MLC1: variants seen among roughly 807,000 people sequenced by gnomAD.
MLC1 encodes membrane protein MLC1.
A neutral mutation model predicts 44.7 loss-of-function variants in MLC1; 32 were observed. That is an observed-to-expected ratio of 0.72 (90% CI 0.54 to 0.96). The LOEUF is 0.96. MLC1 is among the 40% of genes least tolerant of loss of function. MLC1 has a pLI of 0.00. For synonymous variants in MLC1, 190 were observed against 213.0 expected (o/e 0.89, Z 0.94); for missense variants, 459 against 492.2 (o/e 0.93, Z 0.64).
At chr22:50,074,698 C>CA (rs1602024911) in intron 7 of MLC1, 1 of 325,780 alleles carries the variant, frequency 3.1e-6, no homozygotes, top group East Asian at 7.5e-5. Flanking sequence ...CCCTGGACCC[C>CA]ATCGAAGGGA....
chr22:50,064,994 G>A (rs544025913), intron 10 of MLC1, among the ~76,000 whole-genome samples: 7 of 152,202 alleles, frequency 4.6e-5, no homozygotes, highest in Admixed American at 1.3e-4. Context: ...GCGCGATCTC[G>A]GCTCGCTGCA....
At position 50,083,048 on chromosome 22, in the gene MLC1, T is replaced by G; in HGVS notation, c.267+36A>C. The G allele has an allele frequency of 6.3e-7, 1 of 1,596,440 alleles. No individual in the cohort carries two copies. The highest frequency in any genetic ancestry group is 8.6e-7 in the Non-Finnish European group (1 of 1,164,238). The stretch of plus-strand genomic sequence containing the variant: ...GAAACCAGAGCACGTGCCGGCGAGC[T>G]TGGGCACTGGCAGAGGCGTGGAGGA... On this transcript the variant is annotated intron_variant, in intron 3 of 11. Transcript: ENST00000311597. The surrounding 1 kb of genome is among the most constrained non-coding windows in gnomAD (Gnocchi z 4.6).
In MLC1 at chr22:50,077,517, A is replaced by G. The variant is rs2062014768; in HGVS notation, c.424-15T>C. On this transcript the variant is annotated splice_polypyrimidine_tract_variant and intron_variant, in intron 5 of 11. Transcript: ENST00000311597. ...TTGAAGTTGATCTGCCAAGGGGCAC[A>G]CACGCTTCAGCACCGGGCCCGCCTT... 5 of 1,607,574 alleles carry G rather than the reference A, an allele frequency of 3.1e-6. No homozygotes were observed. The highest frequency in any genetic ancestry group is 3.4e-6 in the Non-Finnish European group (4 of 1,175,264).
Position 50,080,385 on chromosome 22 carries a change from C to A in MLC1, c.280G>T (p.Ala94Ser). Residue 94 changes from alanine to serine, a missense_variant, in exon 4 of 12, where the codon GCA becomes TCA. By Grantham distance (99) the Ala-to-Ser change is moderately conservative. Transcript: ENST00000311597. ...RCAAGSCIPS[A>S]IVSFTVSRRN... ...CTGGAGACGGTGAAGCTCACAATTG[C>A]CGAGGGGATGCACTGGAATGAAACC... The A allele has an allele frequency of 6.2e-7, 1 of 1,605,730 alleles. No homozygotes were observed. The highest frequency in any genetic ancestry group is 8.5e-7 in the Non-Finnish European group (1 of 1,176,138).
In MLC1 at chr22:50,080,486, T is replaced by C. The variant is rs887630088; in HGVS notation, c.268-89A>G. 4.5e-5 allele frequency: 62 copies of C among 1,368,862 alleles called. No individual in the cohort carries two copies. In the African/African-American group the frequency reaches 7.9e-4, roughly 17 times the overall value. The allele number at this position is 1,368,862 out of a possible 1,614,324, so 84.8% of individuals were successfully genotyped here. On this transcript the variant is annotated intron_variant, in intron 3 of 11. Transcript: ENST00000311597. ...TCTAACATTTGCGCTTCCAGAAGGATCTGAATCATATTCACAAAACAGTGT... is the reference window on the plus strand; with the variant it reads ...TCTAACATTTGCGCTTCCAGAAGGACCTGAATCATATTCACAAAACAGTGT...
chr22:50,077,980 G>A (rs1422215028), intron 5 of MLC1, among the ~76,000 whole-genome samples: 2 of 148,176 alleles, frequency 1.3e-5, no homozygotes, highest in South Asian at 2.2e-4. Context: ...AGTCAGTGTA[G>A]CTGTCTGACA....
At position 50,068,733 on chromosome 22, in the gene MLC1, T is replaced by TC. The variant is rs1370384026; in HGVS notation, c.772-179_772-178insG. On this transcript the variant is annotated intron_variant, in intron 9 of 11. Coordinates refer to ENST00000311597, the MANE Select transcript of MLC1 (RefSeq NM_015166.4). Reference sequence around the variant, plus strand: ...TTTTCTTTTTTCTTTTTCTTTTTTTTTTTTTTTTTTTTTGAGACAAGTCTC... The same window carrying TC: ...TTTTCTTTTTTCTTTTTCTTTTTTTTCTTTTTTTTTTTTTGAGACAAGTCTC... Among the ~76,000 whole-genome samples, 611 of 143,292 alleles carry TC rather than the reference T, an allele frequency of 4.3e-3. 7 individuals are homozygous for TC. The highest frequency in any genetic ancestry group is 0.014 in the African/African-American group (561 of 39,040). The allele number at this position is 143,292 out of a possible 152,430, so 94.0% of individuals were successfully genotyped here.
intron 9 of MLC1, among the ~76,000 whole-genome samples, chr22:50,070,020 G>T (rs1021984957): frequency 5.9e-5 from 9 of 152,018 alleles, no homozygotes; most frequent in African/African-American, 2.2e-4. Context: ...TGGCCAACAT[G>T]GTGAAACCCC....
chr22:50,069,144 G>A (rs535596916), intron 9 of MLC1, among the ~76,000 whole-genome samples: 49 of 151,192 alleles, frequency 3.2e-4, no homozygotes, highest in African/African-American at 1.1e-3. Flanking sequence ...CTCCCGCCTC[G>A]GCCTCTTGAG....
intron 9 of MLC1, 127 bp downstream of exon 9, chr22:50,070,400 G>A (rs2061822557): frequency 1.1e-6 from 1 of 926,962 alleles, no homozygotes; most frequent in South Asian, 1.4e-5. Flanking sequence ...CATTGTGCAG[G>A]CCCTGCAGCC....
chr22:50,077,023 C>A, intron 6 of MLC1, 111 bp from the exon 7 acceptor site: 1 of 1,139,980 alleles, frequency 8.8e-7, no homozygotes, highest in Non-Finnish European at 1.3e-6. Context: ...CGTGTAGATG[C>A]GAGACCGCCT....
At chr22:50,066,194 C>A (rs1376631690) in intron 10 of MLC1, among the ~76,000 whole-genome samples, 1 of 149,926 alleles carries the variant, frequency 6.7e-6, no homozygotes, top group East Asian at 2.0e-4. Context: ...TAAGTAAATA[C>A]ATAATTAAAA....
At chr22:50,069,081 C>T (rs1416919226) in intron 9 of MLC1, among the ~76,000 whole-genome samples, 1 of 151,754 alleles carries the variant, frequency 6.6e-6, no homozygotes, top group South Asian at 2.1e-4. Context: ...GGCAGGAGTG[C>T]GGTGGCACAA....
chr22:50,069,073 C>T (rs1271956783), intron 9 of MLC1, among the ~76,000 whole-genome samples: 1 of 151,668 alleles, frequency 6.6e-6, no homozygotes, highest in Non-Finnish European at 1.5e-5. Flanking sequence ...GTAGCCCAGG[C>T]AGGAGTGCGG....
chr22:50,074,234 G>A lies in MLC1; in HGVS notation c.696C>T (p.Phe232=), dbSNP rs747751986. ...SVSGPHLSVT[F]FWILVACFPS... is the part of the protein sequence containing the mutation. ...TACTCACGGCCACTAGGATCCAAAA[G>A]AACGTCACTGAGAGGTGTGGGCCTG... is the stretch of plus-strand genomic sequence containing the variant. The change falls in exon 8 of 12, where the codon TTC becomes TTT. Residue 232 remains phenylalanine (F), a synonymous_variant. Coordinates refer to ENST00000311597, the MANE Select transcript of MLC1 (RefSeq NM_015166.4). 1.7e-5 allele frequency: 27 copies of A among 1,613,490 alleles called. No individual in the cohort carries two copies. The South Asian group carries it at 2.7e-4, about 16-fold the overall frequency.
chr22:50,068,515 A>T lies in MLC1; in HGVS notation c.812T>A (p.Leu271Gln). 6.2e-7 allele frequency: 1 copy of T among 1,613,346 alleles called. No homozygotes were observed. The highest frequency in any genetic ancestry group is 2.2e-5 in the East Asian group (1 of 44,836). Residue 271 changes from leucine (L) to glutamine (Q), a missense_variant, in exon 10 of 12, where the codon CTG becomes CAG. Coordinates refer to ENST00000311597, the MANE Select transcript of MLC1 (RefSeq NM_015166.4). The part of the protein sequence containing the change: ...LIAISSLTSP[L>Q]LFTASGYLSF... ...CAGATATCCAGAGGCTGTGAACAGC[A>T]GCGGAGACGTGAGGCTGCTTATGGC...
At chr22:50,068,656 T>C (rs2061773600) in intron 9 of MLC1, 101 bp from the exon 10 acceptor site, 1 of 1,301,222 alleles carries the variant, frequency 7.7e-7, no homozygotes, top group South Asian at 1.2e-5. Context: ...CGGGCACTCA[T>C]GGGCATAGTC....
At position 50,083,249 on chromosome 22, in the gene MLC1, T is replaced by G. The variant is rs1602064366; in HGVS notation, c.178-76A>C. 7.5e-7 allele frequency: 1 copy of G among 1,339,926 alleles called. No homozygotes were observed. Among genetic ancestry groups the G allele is most frequent in the Non-Finnish European group, 1.1e-6 (1 of 936,532 alleles). The allele number at this position is 1,339,926 out of a possible 1,614,324, so 83.0% of individuals were successfully genotyped here. ...TGGACCCTGACCCTTCAACTTCTGCTTCACTGTCTGTGTATTGGTGACTCA... is the reference window on the plus strand; with the variant it reads ...TGGACCCTGACCCTTCAACTTCTGCGTCACTGTCTGTGTATTGGTGACTCA... On this transcript the variant is annotated intron_variant, in intron 2 of 11. Transcript: ENST00000311597. The surrounding 1 kb of genome is among the most constrained non-coding windows in gnomAD (Gnocchi z 4.6).
In MLC1 at chr22:50,083,504, T is replaced by C. The variant is rs2062201130; in HGVS notation, c.178-331A>G. Among the ~76,000 whole-genome samples the C allele has an allele frequency of 6.6e-6, 1 of 152,066 alleles. No individual in the cohort carries two copies. The highest frequency in any genetic ancestry group is 1.5e-5 in the Non-Finnish European group (1 of 67,990). On this transcript the variant is annotated intron_variant, in intron 2 of 11. Transcript: ENST00000311597. This position sits in a 1 kb window ranked among gnomAD's most constrained non-coding sequence, Gnocchi z 4.6. ...CCCACAAAATACTCCTGCCCCAACA[T>C]GTTGTGCGTGCAGTCTTCCAGATCC...
Sources: gnomAD v4.1 joint callset for allele counts (sites outside exome capture counted in the v4.1 genomes callset) on GRCh38, gnomAD v4.1.1 for gene constraint, Gnocchi (gnomAD v3.1) non-coding constraint, MANE v1.5 for transcripts, NCBI Gene and HGNC (gene_info 2026-07-23, HGNC 2026-07-21) for gene names.